MACROD2: variants seen among roughly 807,000 people sequenced by gnomAD.
MACROD2 encodes mono-ADP ribosylhydrolase 2.
Under a neutral mutation model 70.4 loss-of-function variants are expected in MACROD2, and 36 were observed. The ratio of observed to expected loss-of-function variants is 0.51; its 90% CI spans 0.39 to 0.68. The LOEUF (loss-of-function observed/expected upper bound fraction) is 0.68. Ranked by LOEUF, MACROD2 falls within the 30% of genes least tolerant of loss-of-function variation. The pLI is 0.00. For synonymous variants in MACROD2, 172 were observed against 178.8 expected, an observed-to-expected ratio of 0.96 and a Z score of 0.30; for missense variants, 496 against 538.4, an observed-to-expected ratio of 0.92 and a Z score of 0.78.
intron 3 of MACROD2, among the ~76,000 whole-genome samples, chr20:14,374,807 C>A (rs1481253187): frequency 6.6e-6 from 1 of 152,102 alleles, no homozygotes; most frequent in Non-Finnish European, 1.5e-5. Context: ...TTATGGCTAA[C>A]CATGACAGTG....
intron 12 of MACROD2, among the ~76,000 whole-genome samples, chr20:15,957,553 AT>A (rs2065995579): frequency 6.6e-6 from 1 of 152,152 alleles, no homozygotes; most frequent in South Asian, 2.1e-4. Context: ...GCTCAATGCC[AT>A]CCTCTCCTGT....
intron 5 of MACROD2, among the ~76,000 whole-genome samples, chr20:14,869,780 T>G (rs1416795762): frequency 2.6e-5 from 4 of 152,152 alleles, no homozygotes; most frequent in African/African-American, 9.7e-5. Flanking sequence ...GCAGCCATTA[T>G]TAGTTAAAGT....
chr20:15,010,057 C>T (rs923008706), intron 5 of MACROD2, among the ~76,000 whole-genome samples: 1 of 152,092 alleles, frequency 6.6e-6, no homozygotes, highest in Admixed American at 6.6e-5. Context: ...ACATGTTGCC[C>T]TACAGAAATT....
At chr20:14,352,575 A>G (rs1004102775) in intron 3 of MACROD2, 1 of 152,164 alleles carries the variant, frequency 6.6e-6, no homozygotes, top group Non-Finnish European at 1.5e-5. Flanking sequence ...GAAAGGATAT[A>G]TGCACCCTTC....
At chr20:14,050,691 A>G (rs2053554888) in intron 2 of MACROD2, among the ~76,000 whole-genome samples, 1 of 152,222 alleles carries the variant, frequency 6.6e-6, no homozygotes. Flanking sequence ...AACCTCAGAG[A>G]GATTTCAGAG....
At chr20:14,322,454 T>C (rs1008213027) in intron 3 of MACROD2, among the ~76,000 whole-genome samples, 1 of 151,190 alleles carries the variant, frequency 6.6e-6, no homozygotes, top group Non-Finnish European at 1.5e-5. Flanking sequence ...ACAGAGACTT[T>C]ATGGAGACAT....
At chr20:15,023,051 T>A (rs946590794) in intron 5 of MACROD2, 1 of 152,088 alleles carries the variant, frequency 6.6e-6, no homozygotes, top group East Asian at 1.9e-4. Context: ...TCTATACCCA[T>A]GTTGCAGTTA....
intron 12 of MACROD2, among the ~76,000 whole-genome samples, chr20:15,949,743 CT>C (rs1299963243): frequency 6.6e-6 from 1 of 152,114 alleles, no homozygotes; most frequent in Non-Finnish European, 1.5e-5. Flanking sequence ...TTTTGAAATG[CT>C]TTTGTGGGCA....
intron 3 of MACROD2, among the ~76,000 whole-genome samples, chr20:14,198,134 G>A (rs985900473): frequency 3.9e-5 from 6 of 151,978 alleles, no homozygotes; most frequent in African/African-American, 1.5e-4. Flanking sequence ...TTGTGTGTGC[G>A]TGAGAGAGAG....
chr20:14,039,744 T>C (rs901577768), intron 2 of MACROD2, among the ~76,000 whole-genome samples: 3 of 152,018 alleles, frequency 2.0e-5, no homozygotes, highest in African/African-American at 7.2e-5. Flanking sequence ...ATAAGTGATA[T>C]TGATATAATT....
intron 3 of MACROD2, among the ~76,000 whole-genome samples, chr20:14,320,362 A>T (rs1435362675): frequency 6.6e-6 from 1 of 152,122 alleles, no homozygotes; most frequent in Non-Finnish European, 1.5e-5. Context: ...AATACTGCAT[A>T]GCCGTCTAAC....
intron 3 of MACROD2, among the ~76,000 whole-genome samples, chr20:14,451,714 CA>C (rs1450609550): frequency 1.4e-4 from 22 of 152,176 alleles, no homozygotes; most frequent in Admixed American, 1.4e-3. Flanking sequence ...CCAGGCAGAG[CA>C]ATGCAGGCAC....
intron 5 of MACROD2, chr20:14,935,111 A>T (rs568218802): frequency 6.7e-6 from 1 of 149,434 alleles, no homozygotes; most frequent in African/African-American, 2.5e-5. Context: ...ACACAGTTTT[A>T]CAAATCCTAT....
intron 15 of MACROD2, among the ~76,000 whole-genome samples, chr20:15,988,349 A>G (rs1298565386): frequency 6.6e-6 from 1 of 152,156 alleles, no homozygotes; most frequent in Admixed American, 6.5e-5. Flanking sequence ...GCTCTCCTCA[A>G]TTGTAGTTTA....
chr20:14,179,184 ACAAAG>A (rs2081287737), intron 3 of MACROD2, among the ~76,000 whole-genome samples: 2 of 152,188 alleles, frequency 1.3e-5, no homozygotes, highest in Admixed American at 1.3e-4. Flanking sequence ...CAAATGACTC[ACAAAG>A]GAGCATAGTC....
chr20:14,137,598 T>C (rs2054816394), intron 3 of MACROD2, among the ~76,000 whole-genome samples: 1 of 152,168 alleles, frequency 6.6e-6, no homozygotes, highest in Non-Finnish European at 1.5e-5. Context: ...AGAGAAATCA[T>C]ATTCTTATCC....
At chr20:15,746,713 C>T (rs975537038) in intron 8 of MACROD2, among the ~76,000 whole-genome samples, 7 of 152,018 alleles carry the variant, frequency 4.6e-5, no homozygotes, top group African/African-American at 1.7e-4. Context: ...TTTCTGACAT[C>T]GTTTGCTGAA....
intron 13 of MACROD2, among the ~76,000 whole-genome samples, chr20:15,972,657 A>C (rs1429503721): frequency 2.0e-5 from 3 of 152,062 alleles, no homozygotes; most frequent in African/African-American, 7.2e-5. Flanking sequence ...TAAAAATACA[A>C]AAATTAGCAA....
At chr20:14,713,488 T>A (rs2071361628) in intron 5 of MACROD2, among the ~76,000 whole-genome samples, 1 of 152,158 alleles carries the variant, frequency 6.6e-6, no homozygotes, top group South Asian at 2.1e-4. Flanking sequence ...ACTCTGGCAG[T>A]TTTACCACCT....
Sources: allele counts gnomAD v4.1 joint callset (sites outside exome capture counted in the v4.1 genomes callset), GRCh38; gene constraint gnomAD v4.1.1; transcripts MANE v1.5; gene names NCBI Gene and HGNC (gene_info 2026-07-23, HGNC 2026-07-21).